PARN: variants seen among roughly 807,000 people sequenced by gnomAD.
PARN encodes poly(A)-specific ribonuclease, also known as poly(A)-specific ribonuclease PARN.
PARN carries 71 observed loss-of-function variants against 102.8 expected under a neutral mutation model. The ratio of observed to expected loss-of-function variants is 0.69; its 90% CI spans 0.57 to 0.84. The LOEUF (loss-of-function observed/expected upper bound fraction) is 0.84, where lower values mean the gene tolerates loss of function less well. Among genes scored for constraint, PARN ranks in the 40% least tolerant of loss-of-function variants. The pLI is 0.00. For synonymous variants in PARN, 261 were observed against 252.9 expected (o/e 1.03, Z -0.30); for missense variants, 782 against 760.9 (o/e 1.03, Z -0.33).
At chr16:14,601,009 C>G (rs1438478105) in intron 11 of PARN, among the ~76,000 whole-genome samples, 1 of 152,134 alleles carries the variant, frequency 6.6e-6, no homozygotes, top group Non-Finnish European at 1.5e-5. Context: ...AAACTGGAAC[C>G]TGTGTGCCGT....
Position 14,454,039 on chromosome 16 carries a change from G to T in PARN, c.1671-6958C>A, listed in dbSNP as rs542572520. ...TATTGGCCATTTGTATATCTTTTTTGAAGAATCTGTTGAAATGTTTTGACC... is the reference window on the plus strand; with the variant it reads ...TATTGGCCATTTGTATATCTTTTTTTAAGAATCTGTTGAAATGTTTTGACC... On this transcript the variant is annotated intron_variant, in intron 22 of 23. Transcript: ENST00000437198. Among the ~76,000 whole-genome samples the T allele has an allele frequency of 1.2e-4, 18 of 152,166 alleles. 1 individual carries two copies. The South Asian group carries it at 3.7e-3, about 32-fold the overall frequency.
At chr16:14,445,557 CTTTCT>C (rs1041486900) in intron 23 of PARN, among the ~76,000 whole-genome samples, 143 of 152,290 alleles carry the variant, frequency 9.4e-4, no homozygotes, top group African/African-American at 3.1e-3. Flanking sequence ...AAAGCACTCA[CTTTCT>C]TTTGTGTGTG....
intron 6 of PARN, among the ~76,000 whole-genome samples, chr16:14,613,909 C>T (rs180744988): frequency 1.3e-5 from 2 of 151,912 alleles, no homozygotes; most frequent in African/African-American, 4.8e-5. Flanking sequence ...GAAATAGGTA[C>T]CAGAGCAAGT....
chr16:14,575,113 T>G (rs999840466), intron 18 of PARN, among the ~76,000 whole-genome samples: 5 of 152,212 alleles, frequency 3.3e-5, no homozygotes, highest in African/African-American at 1.2e-4. Context: ...GGAAGAAGTC[T>G]GCTGCAGGGG....
intron 11 of PARN, among the ~76,000 whole-genome samples, chr16:14,602,894 C>A (rs1478212497): frequency 6.6e-6 from 1 of 151,950 alleles, no homozygotes; most frequent in Non-Finnish European, 1.5e-5. Context: ...AGCCACATCA[C>A]AAAACACATG....
At chr16:14,554,923 C>T (rs923215699) in intron 19 of PARN, among the ~76,000 whole-genome samples, 1 of 152,124 alleles carries the variant, frequency 6.6e-6, no homozygotes, top group African/African-American at 2.4e-5. Context: ...AATCCCAAAC[C>T]TAGAACTTAT....
At chr16:14,456,744 ACTG>A (rs1470314272) in intron 22 of PARN, among the ~76,000 whole-genome samples, 1 of 151,930 alleles carries the variant, frequency 6.6e-6, no homozygotes, top group African/African-American at 2.4e-5. Flanking sequence ...TGTTCTTGGC[ACTG>A]CTTTATAAAC....
intron 21 of PARN, among the ~76,000 whole-genome samples, chr16:14,494,016 T>C (rs1171228125): frequency 1.3e-5 from 2 of 152,168 alleles, no homozygotes; most frequent in Non-Finnish European, 2.9e-5. Flanking sequence ...ACTGCATGGG[T>C]CCGCCTATAT....
intron 20 of PARN, 54 bp downstream of exon 20, chr16:14,554,011 C>G (rs1967494468): frequency 1.8e-6 from 2 of 1,120,262 alleles, no homozygotes; most frequent in Non-Finnish European, 2.7e-6. Context: ...TTCTGACCAC[C>G]TATACCAAAT....
intron 21 of PARN, among the ~76,000 whole-genome samples, chr16:14,491,608 A>G (rs1242388679): frequency 1.3e-5 from 2 of 151,876 alleles, no homozygotes. Context: ...CTACAACATA[A>G]AACATAAAAA....
chr16:14,514,598 T>A (rs927174132), intron 21 of PARN, among the ~76,000 whole-genome samples: 1 of 152,208 alleles, frequency 6.6e-6, no homozygotes, highest in African/African-American at 2.4e-5. Context: ...AGGAAAGATA[T>A]TTCCTCAGAA....
chr16:14,628,161 C>T lies in PARN; in HGVS notation c.177+11G>A. The T allele has an allele frequency of 2.0e-6, 3 of 1,477,508 alleles. No individual in the cohort carries two copies. The highest frequency in any genetic ancestry group is 2.3e-5 in the East Asian group (1 of 44,198). The allele number at this position is 1,477,508 out of a possible 1,614,324, so 91.5% of individuals were successfully genotyped here. ...TGAGAAAGAAAAAGATTTCCTAGCACATCCACTTGCCTTTTTAAGCTTCTG... is the reference window on the plus strand; with the variant it reads ...TGAGAAAGAAAAAGATTTCCTAGCATATCCACTTGCCTTTTTAAGCTTCTG... On this transcript the variant is annotated intron_variant, in intron 3 of 23. Coordinates refer to ENST00000437198, the MANE Select transcript of PARN (RefSeq NM_002582.4).
At chr16:14,443,133 A>G (rs1203080223) in intron 23 of PARN, among the ~76,000 whole-genome samples, 3 of 152,182 alleles carry the variant, frequency 2.0e-5, no homozygotes, top group African/African-American at 7.2e-5. Context: ...TCTAGACAAG[A>G]CAATAAAGGA....
chr16:14,540,695 A>G (rs1277395401), intron 21 of PARN, among the ~76,000 whole-genome samples: 3 of 152,170 alleles, frequency 2.0e-5, no homozygotes, highest in East Asian at 3.9e-4. Context: ...TAGGAGGCTG[A>G]GGCAGGCAGA....
At chr16:14,585,372 T>C (rs970569763) in intron 14 of PARN, among the ~76,000 whole-genome samples, 2 of 151,170 alleles carry the variant, frequency 1.3e-5, no homozygotes, top group Non-Finnish European at 3.0e-5. Flanking sequence ...CTGTTTTTTT[T>C]TTTTTTTTTT....
At chr16:14,470,245 G>C (rs1272445945) in intron 22 of PARN, among the ~76,000 whole-genome samples, 2 of 152,000 alleles carry the variant, frequency 1.3e-5, no homozygotes, top group Non-Finnish European at 2.9e-5. Flanking sequence ...GGTGAAAGCA[G>C]GCTTTCAGTG....
chr16:14,541,666 G>A (rs1567364892), intron 21 of PARN, among the ~76,000 whole-genome samples: 2 of 151,934 alleles, frequency 1.3e-5, no homozygotes, highest in South Asian at 2.1e-4. Flanking sequence ...TAGTAGAGAC[G>A]GGATTCTACC....
chr16:14,569,663 ATTGTT>A (rs933996636), intron 18 of PARN, among the ~76,000 whole-genome samples: 1 of 152,202 alleles, frequency 6.6e-6, no homozygotes. Context: ...GCAAAATATC[ATTGTT>A]TTAATAAATT....
intron 22 of PARN, among the ~76,000 whole-genome samples, chr16:14,459,481 C>T (rs1445696028): frequency 6.6e-6 from 1 of 152,092 alleles, no homozygotes; most frequent in Non-Finnish European, 1.5e-5. Flanking sequence ...AATTTGCATG[C>T]TGAAAACTAT....
Sources: allele counts gnomAD v4.1 joint callset (sites outside exome capture counted in the v4.1 genomes callset), GRCh38; gene constraint gnomAD v4.1.1; transcripts MANE v1.5; gene names NCBI Gene and HGNC (gene_info 2026-07-23, HGNC 2026-07-21).